The following ZNF518A variants were observed in gnomAD, a reference collection of about 807,000 sequenced individuals.
The protein encoded by ZNF518A is zinc finger protein 518.
Under a neutral mutation model 102.7 loss-of-function variants are expected in ZNF518A, and 47 were observed. The ratio of observed to expected loss-of-function variants is 0.46; its 90% confidence interval spans 0.36 to 0.58. ZNF518A has a LOEUF of 0.58. Ranked by LOEUF, ZNF518A falls within the 20% of genes least tolerant of loss-of-function variation. ZNF518A has a pLI of 0.00. For synonymous variants in ZNF518A, 652 were observed against 594.6 expected (o/e 1.10, Z -1.40); for missense variants, 1,793 against 1,699.8 (o/e 1.05, Z -0.96).
At chr10:96,154,585 C>T (rs1554881542) in intron 3 of ZNF518A, among the ~76,000 whole-genome samples, 2 of 152,064 alleles carry the variant, frequency 1.3e-5, no homozygotes, top group African/African-American at 2.4e-5. Flanking sequence ...CTTGGCTAGT[C>T]ATTCTGAAAT....
At position 96,160,523 on chromosome 10, in the gene ZNF518A, G is replaced by C. The variant is rs781991562; in HGVS notation, c.4201G>C (p.Asp1401His). ...VCYNPPKTTY[D>H]DFSKRHKTFK... ...TTATAACCCTCCTAAAACAACTTAT[G>C]ATGATTTTTCCAAGAGGCACAAAAC... Residue 1401 changes from aspartate to histidine, a missense_variant, in exon 6 of 6, where the codon GAT (aspartate) becomes CAT (histidine). Coordinates refer to ENST00000316045, the MANE Select transcript of ZNF518A (RefSeq NM_001330736.2). The C allele has an allele frequency of 1.3e-4, 204 of 1,612,140 alleles. No homozygotes were observed. Among genetic ancestry groups the C allele is most frequent in the Non-Finnish European group, 1.6e-4 (183 of 1,179,326 alleles).
chr10:96,157,655 A>G lies in ZNF518A; in HGVS notation c.1333A>G (p.Met445Val). The part of the protein sequence containing the change: ...AVSPNYNATF[M>V]GFKMMDGKQH... ...TTCCCCTAACTATAATGCTACGTTT[A>G]TGGGCTTCAAGATGATGGATGGAAA... is the stretch of plus-strand genomic sequence containing the variant. Residue 445 changes from methionine to valine, a missense_variant, in exon 6 of 6, where the codon ATG becomes GTG. Transcript: ENST00000316045. 1 of 1,613,902 alleles carries G rather than the reference A, an allele frequency of 6.2e-7. No individual in the cohort carries two copies. The highest frequency in any genetic ancestry group is 1.7e-5 in the Admixed American group (1 of 60,016).
At chr10:96,203,423 T>C (rs7088458) in intron 1 of ZNF518A, among the ~76,000 whole-genome samples, 62,049 of 152,082 alleles carry the variant, frequency 0.41, 13,481 homozygotes, top group Non-Finnish European at 0.49. Flanking sequence ...TTTAAATGGA[T>C]TTAAGCTTTA....
chr10:96,166,886 T>A (rs1427488460), downstream of ZNF518A, among the ~76,000 whole-genome samples: 1 of 152,186 alleles, frequency 6.6e-6, no homozygotes, highest in Non-Finnish European at 1.5e-5. Context: ...AGAGAGAACT[T>A]CTAAACTACA....
In ZNF518A at chr10:96,160,425, C is replaced by T; in HGVS notation, c.4103C>T (p.Ala1368Val). The change falls in exon 6 of 6, where the codon GCT becomes GTT. Residue 1368 changes from alanine (A) to valine (V), a missense_variant. Transcript: ENST00000316045. ...GTAGTAAGTGTAATGAAAACTATTG[C>T]TAAATTTAATGGACATGTACTTAAG... ...PEVVSVMKTI[A>V]KFNGHVLKVS... 1 of 1,612,956 alleles carries T rather than the reference C, an allele frequency of 6.2e-7. No homozygotes were observed.
rs782452274 is a variant in ZNF518A, at chr10:96,159,904, C to G, written c.3582C>G (p.Pro1194=). ...QKEPESRDAL[P]FLLDDLMPAN... ...AGCCAGAATCTAGAGATGCCTTACC[C>G]TTCTTACTAGATGACTTAATGCCAG... Residue 1194 remains proline (P), a synonymous_variant, in exon 6 of 6, where the codon CCC becomes CCG. Coordinates refer to ENST00000316045, the MANE Select transcript of ZNF518A (RefSeq NM_001330736.2). The G allele has an allele frequency of 2.2e-5, 35 of 1,613,372 alleles. No individual in the cohort carries two copies. Among genetic ancestry groups the G allele is most frequent in the Non-Finnish European group, 3.0e-5 (35 of 1,179,716 alleles).
At chr10:96,202,597 G>A (rs2083673921) in intron 1 of ZNF518A, among the ~76,000 whole-genome samples, 6 of 152,142 alleles carry the variant, frequency 3.9e-5, no homozygotes, top group Admixed American at 3.9e-4. Flanking sequence ...AGAGAAGGCA[G>A]CCACCATTGT....
rs1312259329 is a variant in ZNF518A at position 96,130,354 on chromosome 10, G to A, written c.-851G>A. Reference sequence around the variant, plus strand: ...GGTTTTTTTGCCGAGCGCTTTTGCCGACTGCTAGAGCTTACCCTTACTTTC... The same window carrying A: ...GGTTTTTTTGCCGAGCGCTTTTGCCAACTGCTAGAGCTTACCCTTACTTTC... On this transcript the variant is annotated 5_prime_UTR_variant, in exon 1 of 6. Coordinates refer to ENST00000316045, the MANE Select transcript of ZNF518A (RefSeq NM_001330736.2). Among the ~76,000 whole-genome samples the A allele has an allele frequency of 1.3e-5, 2 of 152,224 alleles. No individual in the cohort carries two copies. The highest frequency in any genetic ancestry group is 3.9e-4 in the East Asian group (2 of 5,186).
At chr10:96,192,075 A>G (rs1554893581) in intron 1 of ZNF518A, 1 of 1,613,768 alleles carries the variant, frequency 6.2e-7, no homozygotes, top group Non-Finnish European at 8.5e-7. Flanking sequence ...TGATGATTTC[A>G]GCAACACTTC....
intron 1 of ZNF518A, among the ~76,000 whole-genome samples, chr10:96,186,460 C>T (rs1047733251): frequency 3.3e-5 from 5 of 152,080 alleles, no homozygotes; most frequent in African/African-American, 1.2e-4. Flanking sequence ...TGCAGTGGCA[C>T]GATCTTGGCT....
intron 3 of ZNF518A, among the ~76,000 whole-genome samples, chr10:96,145,053 T>C (rs188415739): frequency 5.6e-4 from 83 of 147,466 alleles, no homozygotes; most frequent in Non-Finnish European, 1.1e-3. Flanking sequence ...TCGTATAAAA[T>C]ACATGTATGT....
At chr10:96,177,798 T>C (rs1215430062) in intron 1 of ZNF518A, among the ~76,000 whole-genome samples, 3 of 152,012 alleles carry the variant, frequency 2.0e-5, no homozygotes, top group African/African-American at 7.2e-5. Context: ...ATTATATCAA[T>C]GTTATAAACA....
Position 96,156,474 on chromosome 10 carries a change from A to T in ZNF518A, c.152A>T (p.Asp51Val), listed in dbSNP as rs368820484. ...TATGCACTAAAAAATGTGAAAATTG[A>T]TTTGCCAAAAATAAATATTCCAAAT... ...IHYALKNVKI[D>V]LPKINIPNEV... Residue 51 changes from aspartate to valine, a missense_variant, in exon 6 of 6, where the codon GAT becomes GTT. Around this residue, in one of 3 missense-constraint regions of ZNF518A, gnomAD observed 1,741 missense variants for 1,622.6 expected, o/e 1.07. Coordinates refer to ENST00000316045, the MANE Select transcript of ZNF518A (RefSeq NM_001330736.2). 18 of 1,613,062 alleles carry T rather than the reference A, an allele frequency of 1.1e-5. No individual in the cohort carries two copies. The highest frequency in any genetic ancestry group is 1.2e-5 in the Non-Finnish European group (14 of 1,179,600).
In ZNF518A at chr10:96,156,304, G is replaced by T; in HGVS notation, c.-19G>T. ...AGAGTTTTCAGAAAAAAAGAAATTG[G>T]GACTTTTTTGGTTAAATCATGCCAT... On this transcript the variant is annotated 5_prime_UTR_variant, in exon 6 of 6. Transcript: ENST00000316045. 6.5e-7 allele frequency: 1 copy of T among 1,538,106 alleles called. No homozygotes were observed. Among genetic ancestry groups the T allele is most frequent in the South Asian group, 1.3e-5 (1 of 76,532 alleles).
chr10:96,155,866 A>G (rs2082672962), intron 4 of ZNF518A, 58 bp from the exon 5 acceptor site: 1 of 152,534 alleles, frequency 6.6e-6, no homozygotes, highest in Non-Finnish European at 1.5e-5. Context: ...CTGTATTATC[A>G]CCTTAATATA....
In ZNF518A at chr10:96,200,088, T is replaced by C; in HGVS notation, n.36-3486T>C. On this transcript the variant is annotated intron_variant and non_coding_transcript_variant, in intron 1 of 2. Transcript: ENST00000442635. The surrounding 1 kb of genome is among the most constrained non-coding windows in gnomAD (Gnocchi z 4.3). ...AAATGATCAGACCTTGTTTGATCTG[T>C]GCAATGCCTCTTCAGCAGACTTTCG... 6.2e-7 allele frequency: 1 copy of C among 1,613,638 alleles called. No homozygotes were observed. Among genetic ancestry groups the C allele is most frequent in the South Asian group, 1.1e-5 (1 of 91,056 alleles).
At chr10:96,133,312 T>A (rs942562271) in intron 2 of ZNF518A, among the ~76,000 whole-genome samples, 19 of 152,154 alleles carry the variant, frequency 1.2e-4, no homozygotes, top group Non-Finnish European at 2.2e-4. Context: ...AAAGAAAAAT[T>A]ATCTGATATG....
downstream of ZNF518A, among the ~76,000 whole-genome samples, chr10:96,168,202 T>A (rs10882731): frequency 3.3e-5 from 5 of 152,082 alleles, no homozygotes; most frequent in Admixed American, 3.3e-4. Context: ...GTTGGAGTCA[T>A]GAGTGAGAGG....
At chr10:96,204,758 C>A, downstream of ZNF518A, 5 of 734,776 alleles carry the variant, frequency 6.8e-6, no homozygotes, top group East Asian at 5.7e-5. Flanking sequence ...TGTCATGGAT[C>A]TGTGCACTTG....
Sources: allele counts gnomAD v4.1 joint callset (sites outside exome capture counted in the v4.1 genomes callset), GRCh38; gene constraint gnomAD v4.1.1; regional missense constraint gnomAD v4.1.1; non-coding constraint Gnocchi (gnomAD v3.1); transcripts MANE v1.5; gene names NCBI Gene and HGNC (gene_info 2026-07-23, HGNC 2026-07-21).